GRK5: variants seen among roughly 807,000 people sequenced by gnomAD.
The protein encoded by GRK5 is G protein-coupled receptor kinase 5.
Under a neutral mutation model 78.4 loss-of-function variants are expected in GRK5, and 40 were observed. The observed-to-expected ratio is 0.51, with a 90% CI of 0.40 to 0.66. GRK5 has a LOEUF of 0.66. GRK5 is among the 30% of genes least tolerant of loss of function. The probability of loss-of-function intolerance (pLI) is 0.00; values close to 1 mark genes in which losing one functional copy is unlikely to be tolerated. For synonymous variants in GRK5, 289 were observed against 296.8 expected, an observed-to-expected ratio of 0.97 and a Z score of 0.27; for missense variants, 598 against 759.9, an observed-to-expected ratio of 0.79 and a Z score of 2.50.
At chr10:119,226,371 G>A (rs1039642269) in intron 1 of GRK5, among the ~76,000 whole-genome samples, 1 of 148,206 alleles carries the variant, frequency 6.7e-6, no homozygotes, top group African/African-American at 2.5e-5. Context: ...GAGTGCAGTG[G>A]AGCAATCTCG....
Position 119,439,726 on chromosome 10 carries a change from T to G in GRK5, c.930-5T>G. On this transcript the variant is annotated splice_region_variant and splice_polypyrimidine_tract_variant and intron_variant, in intron 9 of 15. Coordinates refer to ENST00000392870, the MANE Select transcript of GRK5 (RefSeq NM_005308.3). ...CACTCTGATGCTTGTTGTTTTTCCTTTCAGAGATCTGAAACCTGAAAACAT... is the reference window on the plus strand; with the variant it reads ...CACTCTGATGCTTGTTGTTTTTCCTGTCAGAGATCTGAAACCTGAAAACAT... 1 of 1,614,060 alleles carries G rather than the reference T, an allele frequency of 6.2e-7. No homozygotes were observed. The highest frequency in any genetic ancestry group is 8.5e-7 in the Non-Finnish European group (1 of 1,179,946).
chr10:119,262,021 C>T (rs942228884), intron 1 of GRK5, among the ~76,000 whole-genome samples: 4 of 152,150 alleles, frequency 2.6e-5, no homozygotes, highest in Admixed American at 2.0e-4. Flanking sequence ...GATGTTGATA[C>T]GATTCTTTTC....
chr10:119,228,738 A>G lies in GRK5; in HGVS notation c.52+20769A>G, dbSNP rs115297008. On this transcript the variant is annotated intron_variant, in intron 1 of 15. Coordinates refer to ENST00000392870, the MANE Select transcript of GRK5 (RefSeq NM_005308.3). ...ATTATGTACAACGAATGTGCGTTAC[A>G]CTTAATAATTAGAAGAAAAAAGATG... Among the ~76,000 whole-genome samples, 1,128 of 152,350 alleles carry G rather than the reference A, an allele frequency of 7.4e-3. 24 individuals are homozygous for G. The highest frequency in any genetic ancestry group is 0.026 in the African/African-American group (1,070 of 41,584).
intron 2 of GRK5, among the ~76,000 whole-genome samples, chr10:119,329,819 T>G (rs1304954202): frequency 6.6e-6 from 1 of 152,032 alleles, no homozygotes; most frequent in East Asian, 1.9e-4. Context: ...ACTGTCCCGT[T>G]TCTGCTATGG....
intron 1 of GRK5, among the ~76,000 whole-genome samples, chr10:119,299,088 G>T (rs1163064329): frequency 6.6e-6 from 1 of 152,200 alleles, no homozygotes; most frequent in Non-Finnish European, 1.5e-5. Flanking sequence ...GGTATTCATT[G>T]ACCAGCAGAA....
Position 119,396,679 on chromosome 10 carries a change from T to C in GRK5, c.262-16T>C. The C allele has an allele frequency of 1.3e-6, 2 of 1,599,096 alleles. No homozygotes were observed. The stretch of plus-strand genomic sequence containing the variant: ...GAGCAAACCTGTTATTGTTCTTTTT[T>C]CTCCTTCTGTTTTAGGCAGAATATG... On this transcript the variant is annotated splice_polypyrimidine_tract_variant and intron_variant, in intron 3 of 15. Coordinates refer to ENST00000392870, the MANE Select transcript of GRK5 (RefSeq NM_005308.3).
At chr10:119,216,088 G>C (rs1848566916) in intron 1 of GRK5, among the ~76,000 whole-genome samples, 1 of 152,172 alleles carries the variant, frequency 6.6e-6, no homozygotes, top group African/African-American at 2.4e-5. Context: ...ATAACTCAGA[G>C]CACACTTAGA....
chr10:119,299,213 C>T (rs191069611), intron 1 of GRK5, among the ~76,000 whole-genome samples: 12 of 152,244 alleles, frequency 7.9e-5, no homozygotes, highest in African/African-American at 2.6e-4. Context: ...GAGGCCAAGG[C>T]GGGTGGATCA....
chr10:119,220,410 G>T (rs1450083933), intron 1 of GRK5, among the ~76,000 whole-genome samples: 1 of 152,184 alleles, frequency 6.6e-6, no homozygotes, highest in Admixed American at 6.5e-5. Context: ...CGATTTCCTT[G>T]GTTGGTTCCA....
At chr10:119,387,688 G>A (rs1405445919) in intron 3 of GRK5, among the ~76,000 whole-genome samples, 2 of 152,190 alleles carry the variant, frequency 1.3e-5, no homozygotes, top group African/African-American at 4.8e-5. Flanking sequence ...CTGTTCCCTG[G>A]GAGCCTTGAC....
At position 119,439,743 on chromosome 10, in the gene GRK5, T is replaced by A. The variant is rs369898706; in HGVS notation, c.942T>A (p.Pro314=). The A allele has an allele frequency of 6.2e-7, 1 of 1,613,938 alleles. No homozygotes were observed. The highest frequency in any genetic ancestry group is 8.5e-7 in the Non-Finnish European group (1 of 1,179,958). The change falls in exon 10 of 16, where the codon CCT becomes CCA. Residue 314 remains proline (P), a synonymous_variant. Transcript: ENST00000392870. The part of the protein sequence containing the change: ...RENTVYRDLK[P]ENILLDDYGH... The stretch of plus-strand genomic sequence containing the variant: ...TTTTTCCTTTCAGAGATCTGAAACC[T>A]GAAAACATCCTGTTAGATGATTATG...
chr10:119,429,888 G>A (rs1852780484), intron 6 of GRK5, among the ~76,000 whole-genome samples: 1 of 152,160 alleles, frequency 6.6e-6, no homozygotes, highest in Non-Finnish European at 1.5e-5. Flanking sequence ...CCCAGGACAG[G>A]AAGCACTGTC....
intron 1 of GRK5, among the ~76,000 whole-genome samples, chr10:119,216,688 C>T (rs1028487362): frequency 1.3e-5 from 2 of 152,158 alleles, no homozygotes; most frequent in African/African-American, 4.8e-5. Context: ...CGTGGTGGCT[C>T]ACGCCTGTAA....
At chr10:119,212,709 T>C (rs1050587883) in intron 1 of GRK5, 1 of 152,230 alleles carries the variant, frequency 6.6e-6, no homozygotes, top group Non-Finnish European at 1.5e-5. Context: ...CCAAAAGGCA[T>C]TATTGTCATA....
At chr10:119,376,752 A>C (rs1241930451) in intron 2 of GRK5, among the ~76,000 whole-genome samples, 2 of 152,014 alleles carry the variant, frequency 1.3e-5, no homozygotes, top group Non-Finnish European at 2.9e-5. Context: ...TTTTTAGTAG[A>C]GACAGGGTTT....
chr10:119,424,977 G>A lies in GRK5; in HGVS notation c.441-16G>A, dbSNP rs752401002. The A allele has an allele frequency of 1.3e-6, 2 of 1,544,860 alleles. No homozygotes were observed. Among genetic ancestry groups the A allele is most frequent in the Admixed American group, 3.3e-5 (2 of 59,926 alleles). Reference sequence around the variant, plus strand: ...GGGATTATAAAATGTTCATCCTCTTGTTCCATCTGCACTAGGTCTGTCCAC... The same window carrying A: ...GGGATTATAAAATGTTCATCCTCTTATTCCATCTGCACTAGGTCTGTCCAC... On this transcript the variant is annotated splice_polypyrimidine_tract_variant and intron_variant, in intron 5 of 15. Transcript: ENST00000392870.
intron 1 of GRK5, among the ~76,000 whole-genome samples, chr10:119,313,166 AGTG>A (rs1307840500): frequency 1.1e-3 from 102 of 92,942 alleles, no homozygotes; most frequent in African/African-American, 4.8e-3. Context: ...TGGTAATGGT[AGTG>A]GTGGTGGTGA....
intron 1 of GRK5, among the ~76,000 whole-genome samples, chr10:119,248,942 A>C (rs1292112202): frequency 6.6e-6 from 1 of 152,068 alleles, no homozygotes; most frequent in Non-Finnish European, 1.5e-5. Context: ...GCAAGTTACT[A>C]ATCTCTCCAT....
intron 1 of GRK5, among the ~76,000 whole-genome samples, chr10:119,221,586 A>G (rs1848657226): frequency 6.6e-6 from 1 of 152,214 alleles, no homozygotes; most frequent in African/African-American, 2.4e-5. Context: ...AAGCCCCTAG[A>G]ATGAGCCATT....
Sources: allele counts gnomAD v4.1 joint callset (sites outside exome capture counted in the v4.1 genomes callset), GRCh38; gene constraint gnomAD v4.1.1; transcripts MANE v1.5; gene names NCBI Gene and HGNC (gene_info 2026-07-23, HGNC 2026-07-21).